Variants in TMEFF2 observed in about 807,000 individuals in gnomAD.
TMEFF2 encodes tomoregulin-2.
TMEFF2 carries 28 observed loss-of-function variants against 53.8 expected under a neutral mutation model. That is an observed-to-expected ratio of 0.52 (90% confidence interval 0.39 to 0.71). The LOEUF (loss-of-function observed/expected upper bound fraction) is 0.71, where lower values mean the gene tolerates loss of function less well. Among genes scored for constraint, TMEFF2 ranks in the 30% least tolerant of loss-of-function variants. TMEFF2 has a pLI of 0.00. For synonymous variants in TMEFF2, 162 were observed against 166.3 expected (o/e 0.97, Z 0.20); for missense variants, 353 against 455.2 (o/e 0.78, Z 2.04).
At chr2:192,162,576 T>G (rs1690660663) in intron 4 of TMEFF2, among the ~76,000 whole-genome samples, 1 of 152,122 alleles carries the variant, frequency 6.6e-6, no homozygotes, top group Non-Finnish European at 1.5e-5. Flanking sequence ...CCTACAAAAT[T>G]TACTTTTCGC....
At chr2:192,085,701 A>C (rs1409672179) in intron 4 of TMEFF2, among the ~76,000 whole-genome samples, 1 of 140,186 alleles carries the variant, frequency 7.1e-6, no homozygotes, top group Non-Finnish European at 1.6e-5. Flanking sequence ...GTGAACTCAT[A>C]GAAGCAGGAA....
At chr2:192,090,963 A>G (rs1052246569) in intron 4 of TMEFF2, among the ~76,000 whole-genome samples, 2 of 152,174 alleles carry the variant, frequency 1.3e-5, no homozygotes, top group Admixed American at 6.6e-5. Flanking sequence ...GTCACTAGGC[A>G]TGCCACGAAC....
chr2:191,964,400 CTT>C (rs1386099717), intron 7 of TMEFF2, among the ~76,000 whole-genome samples: 2 of 66,070 alleles, frequency 3.0e-5, no homozygotes, highest in African/African-American at 1.4e-4. Flanking sequence ...CTTTCTTTCT[CTT>C]TCTTTCTTTC....
intron 4 of TMEFF2, among the ~76,000 whole-genome samples, chr2:192,168,009 G>A (rs865878548): frequency 3.3e-5 from 5 of 152,034 alleles, no homozygotes; most frequent in Non-Finnish European, 7.4e-5. Context: ...TCTATGAAAC[G>A]TTGTTGGTTG....
chr2:192,031,140 A>G (rs979010812), intron 5 of TMEFF2, among the ~76,000 whole-genome samples: 1 of 152,186 alleles, frequency 6.6e-6, no homozygotes, highest in Non-Finnish European at 1.5e-5. Context: ...CTGAAATTGC[A>G]ATATTCATGA....
At chr2:192,137,186 G>T (rs1029815076) in intron 4 of TMEFF2, among the ~76,000 whole-genome samples, 3 of 152,208 alleles carry the variant, frequency 2.0e-5, no homozygotes, top group Non-Finnish European at 2.9e-5. Flanking sequence ...ACCAGAGGGA[G>T]AGGAGGCAAG....
intron 4 of TMEFF2, among the ~76,000 whole-genome samples, chr2:192,068,411 T>A (rs1688214209): frequency 6.6e-6 from 1 of 151,794 alleles, no homozygotes; most frequent in Admixed American, 6.6e-5. Context: ...CAAAAACAGA[T>A]AAAAATATTA....
chr2:192,115,219 T>A (rs1689374815), intron 4 of TMEFF2, among the ~76,000 whole-genome samples: 2 of 151,924 alleles, frequency 1.3e-5, no homozygotes, highest in African/African-American at 4.8e-5. Context: ...AACAACATGG[T>A]AGTGGCATAA....
intron 5 of TMEFF2, among the ~76,000 whole-genome samples, chr2:192,001,528 T>C (rs1331014266): frequency 6.6e-6 from 1 of 152,044 alleles, no homozygotes; most frequent in East Asian, 1.9e-4. Flanking sequence ...GCAAAGGGAA[T>C]AGAGATGGTG....
At position 192,194,178 on chromosome 2, in the gene TMEFF2, C is replaced by A. The variant is rs1355696036; in HGVS notation, c.172+175G>T. 6.6e-6 allele frequency among the ~76,000 whole-genome samples: 1 copy of A among 152,168 alleles called. No homozygotes were observed. The highest frequency in any genetic ancestry group is 6.5e-5 in the Admixed American group (1 of 15,276). Reference sequence around the variant, plus strand: ...CTGCCCATCCCAGAACCACCCCTCACCCCCGGGCCTGCAACAGTTCCCCTT... The same window carrying A: ...CTGCCCATCCCAGAACCACCCCTCAACCCCGGGCCTGCAACAGTTCCCCTT... On this transcript the variant is annotated intron_variant, in intron 1 of 9. Transcript: ENST00000272771. The surrounding 1 kb of genome is among the most constrained non-coding windows in gnomAD (Gnocchi z 4.2).
intron 4 of TMEFF2, among the ~76,000 whole-genome samples, chr2:192,103,700 C>G (rs1689084974): frequency 6.6e-6 from 1 of 151,790 alleles, no homozygotes; most frequent in Non-Finnish European, 1.5e-5. Flanking sequence ...ACATTTAGAC[C>G]TTGATTACAG....
At chr2:191,978,942 G>T (rs1033870488) in intron 7 of TMEFF2, among the ~76,000 whole-genome samples, 3 of 152,162 alleles carry the variant, frequency 2.0e-5, no homozygotes, top group Admixed American at 2.0e-4. Flanking sequence ...CTATTCAAGT[G>T]AGGCCAATTA....
chr2:192,149,273 C>T (rs1409151797), intron 4 of TMEFF2, among the ~76,000 whole-genome samples: 1 of 151,920 alleles, frequency 6.6e-6, no homozygotes, highest in East Asian at 1.9e-4. Context: ...TGTATTTCAG[C>T]TTCACAGCAA....
chr2:191,978,681 C>T (rs1685786561), intron 7 of TMEFF2, among the ~76,000 whole-genome samples: 1 of 152,126 alleles, frequency 6.6e-6, no homozygotes, highest in African/African-American at 2.4e-5. Flanking sequence ...CCAGGGCAGG[C>T]TTTGGTATGC....
chr2:192,164,782 A>G (rs780982235), intron 4 of TMEFF2, among the ~76,000 whole-genome samples: 7 of 151,758 alleles, frequency 4.6e-5, no homozygotes, highest in Admixed American at 6.6e-5. Flanking sequence ...ATTTATTTGC[A>G]TGGTTCATGT....
At chr2:192,095,078 G>A (rs1390435195) in intron 4 of TMEFF2, among the ~76,000 whole-genome samples, 1 of 152,160 alleles carries the variant, frequency 6.6e-6, no homozygotes, top group Non-Finnish European at 1.5e-5. Flanking sequence ...AGAAATGGAT[G>A]TATTCTCCTC....
chr2:192,087,795 C>T, intron 4 of TMEFF2, among the ~76,000 whole-genome samples: 1 of 152,148 alleles, frequency 6.6e-6, no homozygotes, highest in East Asian at 1.9e-4. Context: ...GATCCCTGTA[C>T]TGTCTGTTGA....
chr2:192,190,553 A>G (rs1691437887), intron 2 of TMEFF2, among the ~76,000 whole-genome samples: 1 of 152,158 alleles, frequency 6.6e-6, no homozygotes, highest in African/African-American at 2.4e-5. Context: ...TTGACGTTAC[A>G]TGCATATTAA....
At chr2:192,179,478 A>C (rs755435865) in intron 4 of TMEFF2, 190 bp downstream of exon 4, 149 of 451,630 alleles carry the variant, frequency 3.3e-4, no homozygotes, top group Non-Finnish European at 4.0e-4. Context: ...AGTATGATTC[A>C]TAAGTATGCC....
Sources: gnomAD v4.1 joint callset for allele counts (sites outside exome capture counted in the v4.1 genomes callset) on GRCh38, gnomAD v4.1.1 for gene constraint, Gnocchi (gnomAD v3.1) non-coding constraint, MANE v1.5 for transcripts, NCBI Gene and HGNC (gene_info 2026-07-23, HGNC 2026-07-21) for gene names.